Variants in FLT1 observed in about 807,000 individuals in gnomAD.
FLT1 encodes fms related receptor tyrosine kinase 1, also known as vascular endothelial growth factor receptor 1.
A neutral mutation model predicts 156.3 loss-of-function variants in FLT1; 49 were observed. The observed-to-expected ratio is 0.31, with a 90% confidence interval of 0.25 to 0.40. The LOEUF is 0.40. Ranked by LOEUF, FLT1 falls within the 10% of genes least tolerant of loss-of-function variation. FLT1 has a pLI of 1.00. For synonymous variants in FLT1, 594 were observed against 583.8 expected (o/e 1.02, Z -0.25); for missense variants, 1,322 against 1,637.2 (o/e 0.81, Z 3.32).
intron 1 of FLT1, among the ~76,000 whole-genome samples, chr13:28,471,320 T>G (rs1042876410): frequency 6.6e-6 from 1 of 152,126 alleles, no homozygotes; most frequent in African/African-American, 2.4e-5. Context: ...CTCATAAAGG[T>G]TATTGGAGGT....
intron 14 of FLT1, among the ~76,000 whole-genome samples, chr13:28,370,301 C>T (rs1012426221): frequency 3.3e-5 from 5 of 152,060 alleles, no homozygotes; most frequent in Admixed American, 6.5e-5. Flanking sequence ...ACTACTTTAA[C>T]TTACAAAATA....
chr13:28,322,600 C>T lies in FLT1; in HGVS notation c.2953+190G>A, dbSNP rs150660066. On this transcript the variant is annotated intron_variant, in intron 21 of 29. Transcript: ENST00000282397. The surrounding 1 kb of genome is among the most constrained non-coding windows in gnomAD (Gnocchi z 4.3). ...GATGAAAATCCCTGAGGGGAGAAAACGGTACAGTTCCCTGTCAAAATTAGT... is the reference window on the plus strand; with the variant it reads ...GATGAAAATCCCTGAGGGGAGAAAATGGTACAGTTCCCTGTCAAAATTAGT... 6,563 of 725,914 alleles carry T rather than the reference C, an allele frequency of 9.0e-3. 51 individuals are homozygous for T. The highest frequency in any genetic ancestry group is 0.013 in the Non-Finnish European group (5,206 of 414,146). 45.0% of individuals were successfully genotyped at this position (725,914 alleles called of 1,614,324 possible).
At chr13:28,318,430 A>T (rs1871294472) in intron 24 of FLT1, among the ~76,000 whole-genome samples, 4 of 151,626 alleles carry the variant, frequency 2.6e-5, no homozygotes, top group African/African-American at 9.7e-5. Flanking sequence ...TTTTGGGGGG[A>T]TTCTTGCCAG....
At chr13:28,479,344 G>T (rs1250986614) in intron 1 of FLT1, among the ~76,000 whole-genome samples, 1 of 152,170 alleles carries the variant, frequency 6.6e-6, no homozygotes, top group Non-Finnish European at 1.5e-5. Context: ...AAATATAATT[G>T]CCTTTCATTA....
At chr13:28,357,376 C>T (rs777217144) in intron 15 of FLT1, among the ~76,000 whole-genome samples, 178 bp downstream of exon 15, 5 of 152,192 alleles carry the variant, frequency 3.3e-5, no homozygotes, top group Non-Finnish European at 5.9e-5. Context: ...TCTTCACCTT[C>T]TGCTTTGCCA....
intron 14 of FLT1, among the ~76,000 whole-genome samples, chr13:28,384,395 G>A (rs145523773): frequency 1.4e-5 from 2 of 145,608 alleles, no homozygotes; most frequent in East Asian, 4.0e-4. Context: ...GTTGCAGTGA[G>A]CCAAGATGGT....
At chr13:28,340,078 G>A (rs1217853885) in intron 16 of FLT1, among the ~76,000 whole-genome samples, 1 of 152,132 alleles carries the variant, frequency 6.6e-6, no homozygotes, top group African/African-American at 2.4e-5. Context: ...AGCTAGGTGT[G>A]GTGGTACACA....
chr13:28,427,986 G>A (rs1878668677), intron 8 of FLT1, 65 bp from the exon 9 acceptor site: 10 of 1,404,474 alleles, frequency 7.1e-6, no homozygotes, highest in South Asian at 2.3e-5. Context: ...TTGATAACAC[G>A]GTCATTGAAG....
intron 3 of FLT1, among the ~76,000 whole-genome samples, chr13:28,459,600 G>T (rs1427171185): frequency 1.3e-5 from 2 of 152,158 alleles, no homozygotes; most frequent in African/African-American, 4.8e-5. Context: ...ATAACGTCAT[G>T]GATTTCCTAA....
At chr13:28,491,891 CTAT>C (rs761842155) in intron 1 of FLT1, among the ~76,000 whole-genome samples, 6 of 152,152 alleles carry the variant, frequency 3.9e-5, no homozygotes, top group Non-Finnish European at 8.8e-5. Context: ...ACCAGATAGC[CTAT>C]TATAGAATGT....
intron 1 of FLT1, among the ~76,000 whole-genome samples, chr13:28,481,789 C>T (rs904328494): frequency 2.6e-5 from 4 of 152,224 alleles, no homozygotes; most frequent in Non-Finnish European, 5.9e-5. Context: ...AAACTATGTA[C>T]ACTATGTCTT....
chr13:28,393,190 G>T (rs1209842728), intron 12 of FLT1, among the ~76,000 whole-genome samples: 2 of 152,150 alleles, frequency 1.3e-5, no homozygotes, highest in Admixed American at 1.3e-4. Flanking sequence ...GTGTCATGGA[G>T]AAGAATCAAC....
At position 28,327,484 on chromosome 13, in the gene FLT1, C is replaced by T. The variant is rs1871732957; in HGVS notation, c.2774G>A (p.Arg925His). 1 of 1,612,058 alleles carries T rather than the reference C, an allele frequency of 6.2e-7. No homozygotes were observed. Among genetic ancestry groups the T allele is most frequent in the South Asian group, 1.1e-5 (1 of 91,030 alleles). ...GNLSNYLKSK[R>H]DLFFLNKDAA... ...TACCTTGTTGAGAAAAAATAAGTCA[C>T]GTTTGCTCTTGAGGTAGTTGGAGAG... The change falls in exon 20 of 30, where the codon CGT becomes CAT. Residue 925 changes from arginine to histidine, a missense_variant. Arg to His is a conservative substitution (Grantham distance 29, BLOSUM62 0). Coordinates refer to ENST00000282397, the MANE Select transcript of FLT1 (RefSeq NM_002019.4).
chr13:28,391,139 G>T (rs1565999624), intron 12 of FLT1, among the ~76,000 whole-genome samples: 1 of 152,170 alleles, frequency 6.6e-6, no homozygotes, highest in Non-Finnish European at 1.5e-5. Flanking sequence ...TAAAATGGGG[G>T]TGATAGAGGG....
intron 14 of FLT1, among the ~76,000 whole-genome samples, chr13:28,372,050 A>G (rs11617007): frequency 0.072 from 4,845 of 67,294 alleles, 181 homozygotes; most frequent in African/African-American, 0.14. Flanking sequence ...GTGTGTGTGT[A>G]TATATATATA....
At chr13:28,466,766 A>G (rs1425758628) in intron 3 of FLT1, 137 bp downstream of exon 3, 10 of 723,880 alleles carry the variant, frequency 1.4e-5, no homozygotes, top group Non-Finnish European at 2.2e-5. Flanking sequence ...GAAAGTGTCT[A>G]CAACTAGGAT....
At chr13:28,379,694 C>A (rs190226866) in intron 14 of FLT1, among the ~76,000 whole-genome samples, 5 of 152,192 alleles carry the variant, frequency 3.3e-5, no homozygotes. Flanking sequence ...CGTTCACATG[C>A]GTTCCAGGGC....
chr13:28,420,117 A>C (rs1876915793), intron 10 of FLT1, among the ~76,000 whole-genome samples: 1 of 152,216 alleles, frequency 6.6e-6, no homozygotes. Context: ...TGTTCTCAGG[A>C]CTTTGTATGA....
At chr13:28,450,747 T>C (rs1286599582) in intron 3 of FLT1, among the ~76,000 whole-genome samples, 1 of 152,188 alleles carries the variant, frequency 6.6e-6, no homozygotes, top group Non-Finnish European at 1.5e-5. Context: ...TAATTCTGCC[T>C]ATCATGTTAC....
Sources: gnomAD v4.1 joint callset for allele counts (sites outside exome capture counted in the v4.1 genomes callset) on GRCh38, gnomAD v4.1.1 for gene constraint, Gnocchi (gnomAD v3.1) non-coding constraint, MANE v1.5 for transcripts, NCBI Gene and HGNC (gene_info 2026-07-23, HGNC 2026-07-21) for gene names.